Variants in VPS13C observed in about 807,000 individuals in gnomAD.
VPS13C encodes the protein vacuolar protein sorting 13 homolog C, also known as intermembrane lipid transfer protein VPS13C.
In VPS13C, 358 loss-of-function variants were observed where a neutral mutation model predicts 456.8. That is an observed-to-expected ratio of 0.78 (90% CI 0.72 to 0.86). The LOEUF (loss-of-function observed/expected upper bound fraction) is 0.86, where lower values mean the gene tolerates loss of function less well. Among genes scored for constraint, VPS13C ranks in the 40% least tolerant of loss-of-function variants. The probability of loss-of-function intolerance (pLI) is 0.00; values close to 1 mark genes in which losing one functional copy is unlikely to be tolerated. For synonymous variants in VPS13C, 1,578 were observed against 1,486.7 expected, an observed-to-expected ratio of 1.06 and a Z score of -1.41; for missense variants, 4,818 against 4,385.4, an observed-to-expected ratio of 1.10 and a Z score of -2.79.
chr15:62,012,061 CTA>C (rs1567108138), intron 12 of VPS13C, 44 bp downstream of exon 12: 3 of 1,164,352 alleles, frequency 2.6e-6, no homozygotes, highest in African/African-American at 1.6e-5. Flanking sequence ...GTATTTAATT[CTA>C]TGTTTCTTCC....
chr15:61,866,992 A>G, intron 81 of VPS13C: 1 of 960,308 alleles, frequency 1.0e-6, no homozygotes, highest in Non-Finnish European at 1.2e-6. Context: ...CAAAAAAAAG[A>G]AATTGAAACA....
intron 18 of VPS13C, among the ~76,000 whole-genome samples, chr15:61,987,857 T>C (rs770213599): frequency 1.3e-5 from 2 of 152,196 alleles, no homozygotes; most frequent in Non-Finnish European, 2.9e-5. Flanking sequence ...ATTTACCCTA[T>C]GACCCAGCAA....
intron 1 of VPS13C, among the ~76,000 whole-genome samples, chr15:62,056,948 C>G (rs548288895): frequency 1.3e-5 from 2 of 152,320 alleles, no homozygotes; most frequent in African/African-American, 4.8e-5. Context: ...ACTCTTTACC[C>G]TGCCCCTTTT....
At chr15:61,926,607 T>A (rs2043857591) in intron 52 of VPS13C, among the ~76,000 whole-genome samples, 1 of 152,208 alleles carries the variant, frequency 6.6e-6, no homozygotes, top group African/African-American at 2.4e-5. Flanking sequence ...AAATTATCAA[T>A]ACTAGAAAAT....
rs775141098 is a variant in VPS13C at position 61,922,683 on chromosome 15, T to A, written c.6689A>T (p.Asp2230Val). ...AAGATTTTCCATTTCCTTAGACGTA[T>A]CTTTGGATCCATCTTCTTTTGTTTT... ...SPKTKEDGSKDTSKEMENLWG... is the reference protein window; with the variant it reads ...SPKTKEDGSKVTSKEMENLWG... The change falls in exon 54 of 85, where the codon GAT becomes GTT. Residue 2230 changes from aspartate (D) to valine (V), a missense_variant. Asp to Val is a radical substitution (Grantham distance 152, BLOSUM62 -3). Transcript: ENST00000644861. 3 of 1,613,890 alleles carry A rather than the reference T, an allele frequency of 1.9e-6. No homozygotes were observed. In the African/African-American group the frequency reaches 4.0e-5, roughly 22 times the overall value.
chr15:61,945,122 G>A (rs1002492998), intron 45 of VPS13C, among the ~76,000 whole-genome samples: 8 of 152,188 alleles, frequency 5.3e-5, no homozygotes, highest in Admixed American at 4.6e-4. Context: ...CATGTAAGAC[G>A]TGCCTGCTTC....
At chr15:62,026,579 C>A (rs1270114997) in intron 6 of VPS13C, among the ~76,000 whole-genome samples, 1 of 152,010 alleles carries the variant, frequency 6.6e-6, no homozygotes, top group Non-Finnish European at 1.5e-5. Context: ...ACAACCAAAT[C>A]TGAATAATGA....
In VPS13C at chr15:61,890,046, T is replaced by C. The variant is rs182919744; in HGVS notation, c.9341+119A>G. 8 of 863,630 alleles carry C rather than the reference T, an allele frequency of 9.3e-6. No homozygotes were observed. In the East Asian group the frequency reaches 2.1e-4, roughly 23 times the overall value. 53.5% of individuals were successfully genotyped at this position (863,630 alleles called of 1,614,324 possible). A position where few individuals can be genotyped will look rare whatever the true frequency, so the allele number is the denominator to read the frequency against. ...CAAAGAATTATTCAGTAAGCTTTAC[T>C]GAATAAATATACAGCATACCAAAGT... On this transcript the variant is annotated intron_variant, in intron 67 of 84. Transcript: ENST00000644861.
chr15:62,022,686 C>T (rs2047505582), intron 8 of VPS13C, among the ~76,000 whole-genome samples: 1 of 151,826 alleles, frequency 6.6e-6, no homozygotes, highest in South Asian at 2.1e-4. Context: ...GTCAGTATTG[C>T]TTTAATTCAA....
chr15:61,960,614 T>C (rs2045163477), intron 35 of VPS13C, among the ~76,000 whole-genome samples: 1 of 152,212 alleles, frequency 6.6e-6, no homozygotes, highest in Admixed American at 6.5e-5. Context: ...TATTCTCAAA[T>C]GATTTAGCAA....
chr15:61,975,317 A>C (rs2045672646), intron 24 of VPS13C, among the ~76,000 whole-genome samples: 1 of 152,116 alleles, frequency 6.6e-6, no homozygotes, highest in Non-Finnish European at 1.5e-5. Flanking sequence ...AAAAGAGAGA[A>C]GATAATGGAA....
At chr15:62,015,846 G>C (rs2047222305) in intron 9 of VPS13C, among the ~76,000 whole-genome samples, 2 of 139,808 alleles carry the variant, frequency 1.4e-5, no homozygotes, top group Non-Finnish European at 3.1e-5. Flanking sequence ...TGACACGTTA[G>C]TGGGTGCAGC....
Position 61,929,537 on chromosome 15 carries a change from T to C in VPS13C, c.6250A>G (p.Arg2084Gly). 1 of 1,614,130 alleles carries C rather than the reference T, an allele frequency of 6.2e-7. No individual in the cohort carries two copies. The change falls in exon 51 of 85, where the codon AGA becomes GGA. Residue 2084 changes from arginine (R) to glycine (G), a missense_variant. Physicochemically the swap from Arg to Gly is moderately radical, Grantham distance 125. Coordinates refer to ENST00000644861, the MANE Select transcript of VPS13C (RefSeq NM_020821.3). ...TTGACCTTCCCTGTGGCAGTCTGTC[T>C]TGGTAAAATCTGTGTTTCTTTTGCC... ...NVAKETQILPRQTATGKVKIE... is the reference protein window; with the variant it reads ...NVAKETQILPGQTATGKVKIE...
At chr15:61,972,032 CCT>C (rs2045571035) in intron 27 of VPS13C, among the ~76,000 whole-genome samples, 1 of 152,050 alleles carries the variant, frequency 6.6e-6, no homozygotes, top group Non-Finnish European at 1.5e-5. Flanking sequence ...TGTATAAAAA[CCT>C]GTAATCTCAC....
chr15:61,879,134 T>C (rs1193488996), intron 73 of VPS13C, among the ~76,000 whole-genome samples: 1 of 152,094 alleles, frequency 6.6e-6, no homozygotes, highest in Non-Finnish European at 1.5e-5. Flanking sequence ...TAAGGTAAGT[T>C]AGCAAGCTGT....
intron 15 of VPS13C, among the ~76,000 whole-genome samples, chr15:62,001,774 T>G (rs1163012979): frequency 6.6e-6 from 1 of 152,202 alleles, no homozygotes; most frequent in African/African-American, 2.4e-5. Context: ...CGGTGTTTGG[T>G]TTTTTGTTCT....
At chr15:62,003,164 T>C (rs2046697969) in intron 15 of VPS13C, among the ~76,000 whole-genome samples, 1 of 152,030 alleles carries the variant, frequency 6.6e-6, no homozygotes, top group East Asian at 1.9e-4. Flanking sequence ...TGGAATGTTC[T>C]TCCATTTGTT....
Position 61,963,920 on chromosome 15 carries a change from A to G in VPS13C, c.3246T>C (p.Ile1082=). 1 of 1,611,378 alleles carries G rather than the reference A, an allele frequency of 6.2e-7. No individual in the cohort carries two copies. The change falls in exon 32 of 85, where the codon ATT becomes ATC. Residue 1082 remains isoleucine (I), a synonymous_variant. Transcript: ENST00000644861. ...AIVSSRDSDI[I]DFRLFAKLNA... is the part of the protein sequence containing the mutation. ...TCAACTTGGCAAATAGCCTGAAATC[A>G]ATAATGTCACTATCTCTGGAGGATA...
intron 9 of VPS13C, among the ~76,000 whole-genome samples, chr15:62,017,362 T>C (rs1038349884): frequency 3.3e-5 from 5 of 152,294 alleles, no homozygotes; most frequent in Non-Finnish European, 5.9e-5. Context: ...TCCTTGCCCA[T>C]GCCTATGTCC....
Sources: gnomAD v4.1 joint callset for allele counts (sites outside exome capture counted in the v4.1 genomes callset) on GRCh38, gnomAD v4.1.1 for gene constraint, MANE v1.5 for transcripts, NCBI Gene and HGNC (gene_info 2026-07-23, HGNC 2026-07-21) for gene names.